Variants in ARFGEF1 observed in about 807,000 individuals in gnomAD.
ARFGEF1 encodes brefeldin A-inhibited guanine nucleotide-exchange protein 1.
In ARFGEF1, 42 loss-of-function variants were observed where a neutral mutation model predicts 231.0. That is an observed-to-expected ratio of 0.18 (90% CI 0.14 to 0.24). The LOEUF is 0.24. ARFGEF1 is among the 10% of genes least tolerant of loss of function. The pLI is 1.00. For synonymous variants in ARFGEF1, 710 were observed against 732.3 expected (o/e 0.97, Z 0.49); for missense variants, 1,345 against 2,192.0 (o/e 0.61, Z 7.72).
intron 19 of ARFGEF1, among the ~76,000 whole-genome samples, chr8:67,246,358 T>C (rs1410140217): frequency 6.6e-6 from 1 of 150,648 alleles, no homozygotes. Flanking sequence ...GACCATATGT[T>C]AGGACTCAAA....
At chr8:67,224,832 T>A (rs765246807) in intron 29 of ARFGEF1, 71 bp downstream of exon 29, 3 of 1,118,458 alleles carry the variant, frequency 2.7e-6, no homozygotes, top group Non-Finnish European at 3.6e-6. Flanking sequence ...GAGATTGTGT[T>A]TATAAAGAAG....
intron 1 of ARFGEF1, among the ~76,000 whole-genome samples, chr8:67,306,967 C>T (rs747677942): frequency 1.3e-5 from 2 of 152,176 alleles, no homozygotes; most frequent in Admixed American, 6.5e-5. Context: ...TTAGTAGAGA[C>T]GAGGTTTCAC....
At chr8:67,194,507 A>C (rs1348953700), downstream of ARFGEF1, among the ~76,000 whole-genome samples, 1 of 152,142 alleles carries the variant, frequency 6.6e-6, no homozygotes, top group Non-Finnish European at 1.5e-5. Context: ...TTTCTTTTAG[A>C]CCCAACAAAC....
Position 67,222,186 on chromosome 8 carries a change from T to C in ARFGEF1, c.4209-2626A>G, listed in dbSNP as rs1035475671. Among the ~76,000 whole-genome samples, 491 of 127,962 alleles carry C rather than the reference T, an allele frequency of 3.8e-3. 12 individuals are homozygous for C. The East Asian group carries it at 0.049, about 13-fold the overall frequency. 83.9% of individuals were successfully genotyped at this position (127,962 alleles called of 152,430 possible). A position where few individuals can be genotyped will look rare whatever the true frequency, so the allele number is the denominator to read the frequency against. On this transcript the variant is annotated intron_variant, in intron 29 of 38. Transcript: ENST00000262215. ...ATGCATATATATATATATACACATA[T>C]ATATATATATATATATATACACACA...
intron 17 of ARFGEF1, among the ~76,000 whole-genome samples, chr8:67,254,455 A>T (rs1840391563): frequency 6.6e-6 from 1 of 152,232 alleles, no homozygotes; most frequent in Non-Finnish European, 1.5e-5. Context: ...AAAGAACTTA[A>T]GGTAACTCTT....
intron 1 of ARFGEF1, among the ~76,000 whole-genome samples, chr8:67,311,705 T>C (rs1449981185): frequency 1.3e-5 from 2 of 152,062 alleles, no homozygotes; most frequent in Non-Finnish European, 2.9e-5. Flanking sequence ...TGAAGAGCCC[T>C]TCTGCCCGGC....
chr8:67,293,759 G>C lies in ARFGEF1; in HGVS notation c.640-1636C>G, dbSNP rs541616868. On this transcript the variant is annotated intron_variant, in intron 5 of 38. Transcript: ENST00000262215. ...TGTAGTCCCTTTCCACAATGTACCG[G>C]TGTGACCGCTTCTGATTATAAGGTA... is the stretch of plus-strand genomic sequence containing the variant. 2.6e-5 allele frequency among the ~76,000 whole-genome samples: 4 copies of C among 152,160 alleles called. No individual in the cohort carries two copies. The South Asian group carries it at 8.3e-4, about 32-fold the overall frequency.
intron 37 of ARFGEF1, 68 bp from the exon 38 acceptor site, chr8:67,200,581 A>G: frequency 3.2e-6 from 3 of 948,920 alleles, no homozygotes; most frequent in Non-Finnish European, 4.9e-6. Flanking sequence ...ACCGAGAAAG[A>G]GCAATCATGA....
At chr8:67,265,368 A>T (rs1804809211) in intron 14 of ARFGEF1, among the ~76,000 whole-genome samples, 1 of 152,134 alleles carries the variant, frequency 6.6e-6, no homozygotes, top group African/African-American at 2.4e-5. Context: ...ATTCATGGAG[A>T]CGGCAAACAA....
intron 14 of ARFGEF1, among the ~76,000 whole-genome samples, chr8:67,263,083 C>T (rs559270159): frequency 6.6e-6 from 1 of 152,304 alleles, no homozygotes; most frequent in East Asian, 1.9e-4. Flanking sequence ...CAGATTCTCT[C>T]TCACTCCCTT....
chr8:67,239,778 G>A (rs1222960660), intron 20 of ARFGEF1, among the ~76,000 whole-genome samples: 2 of 152,016 alleles, frequency 1.3e-5, no homozygotes, highest in East Asian at 1.9e-4. Context: ...AAGATAACCT[G>A]TTCTTAGGCT....
chr8:67,302,905 T>TAAAAAAAAAAAAAAAAAAAAAAAAAAA (rs1563902346), intron 1 of ARFGEF1, among the ~76,000 whole-genome samples: 1 of 100,254 alleles, frequency 1.0e-5, no homozygotes, highest in Admixed American at 1.1e-4. Context: ...ACCCCATCTC[T>TAAAAAAAAAAAAAAAAAAAAAAAAAAA]TAAAAAAAAA....
intron 20 of ARFGEF1, 42 bp downstream of exon 20, chr8:67,240,120 T>C: frequency 6.3e-7 from 1 of 1,595,602 alleles, no homozygotes; most frequent in Non-Finnish European, 8.5e-7. Context: ...GCATAGGTAA[T>C]TAATGTTCCA....
At chr8:67,201,232 T>C (rs1337413768) in intron 37 of ARFGEF1, among the ~76,000 whole-genome samples, 1 of 152,194 alleles carries the variant, frequency 6.6e-6, no homozygotes, top group African/African-American at 2.4e-5. Context: ...GATATCATAG[T>C]TCACAGTTTT....
In ARFGEF1 at chr8:67,197,783, C is replaced by G; in HGVS notation, c.*1151G>C. On this transcript the variant is annotated 3_prime_UTR_variant, in exon 39 of 39. Transcript: ENST00000262215. ...ATTTTTTACATAGAAAACTTTACAT[C>G]TGTACCATATACATTTTGTCCATCT... 1.0e-6 allele frequency: 1 copy of G among 985,846 alleles called. No homozygotes were observed. The highest frequency in any genetic ancestry group is 1.2e-6 in the Non-Finnish European group (1 of 829,920). 61.1% of individuals were successfully genotyped at this position (985,846 alleles called of 1,614,324 possible). A position where few individuals can be genotyped will look rare whatever the true frequency, so the allele number is the denominator to read the frequency against.
chr8:67,284,051 T>C (rs189674651), intron 7 of ARFGEF1, among the ~76,000 whole-genome samples: 1 of 152,336 alleles, frequency 6.6e-6, no homozygotes. Flanking sequence ...GCAGCATTAT[T>C]TGTAACAGCA....
intron 1 of ARFGEF1, among the ~76,000 whole-genome samples, chr8:67,333,850 G>T (rs1183348109): frequency 6.6e-6 from 1 of 151,992 alleles, no homozygotes; most frequent in African/African-American, 2.4e-5. Flanking sequence ...TAACAACAGT[G>T]CATAAGACCA....
chr8:67,193,634 A>G, downstream of ARFGEF1: 1 of 1,581,794 alleles, frequency 6.3e-7, no homozygotes, highest in South Asian at 1.1e-5. Context: ...CCTATAGTAG[A>G]ATCCTGTATG....
chr8:67,267,387 T>A lies in ARFGEF1; in HGVS notation c.1628A>T (p.Asp543Val). ...YILETSTSSF[D>V]HKWMVIQTLT... ...TGTCTGAATAACCATCCATTTGTGA[T>A]CAAATGAGCTGGTAGAAGTTTCCAA... Residue 543 changes from aspartate (D) to valine (V), a missense_variant, in exon 11 of 39, where the codon GAT becomes GTT. Around this residue, in one of 14 missense-constraint regions of ARFGEF1, gnomAD observed 141 missense variants for 259.9 expected, o/e 0.54. Transcript: ENST00000262215. The A allele has an allele frequency of 6.2e-7, 1 of 1,612,142 alleles. No homozygotes were observed. Among genetic ancestry groups the A allele is most frequent in the Non-Finnish European group, 8.5e-7 (1 of 1,179,250 alleles).
Sources: gnomAD v4.1 joint callset for allele counts (sites outside exome capture counted in the v4.1 genomes callset) on GRCh38, gnomAD v4.1.1 for gene constraint, gnomAD v4.1.1 regional missense constraint, MANE v1.5 for transcripts, NCBI Gene and HGNC (gene_info 2026-07-23, HGNC 2026-07-21) for gene names.